Variants in FMN1 observed in about 807,000 individuals in gnomAD.
The protein encoded by FMN1 is formin-1.
FMN1 carries 110 observed loss-of-function variants against 132.4 expected under a neutral mutation model. The ratio of observed to expected loss-of-function variants is 0.83; its 90% CI spans 0.71 to 0.97. The LOEUF (loss-of-function observed/expected upper bound fraction) is 0.97. Among genes scored for constraint, FMN1 ranks in the 50% least tolerant of loss-of-function variants. The pLI is 0.00. For synonymous variants in FMN1, 722 were observed against 651.7 expected (o/e 1.11, Z -1.64); for missense variants, 1,792 against 1,705.3 (o/e 1.05, Z -0.90).
intron 6 of FMN1, among the ~76,000 whole-genome samples, chr15:33,050,563 A>T (rs2036922143): frequency 6.6e-6 from 1 of 152,210 alleles, no homozygotes; most frequent in Non-Finnish European, 1.5e-5. Flanking sequence ...TTTAAAAAAC[A>T]GTGTGTGATT....
chr15:32,777,594 C>CTTTATATATTACGTATAACATATAACACA (rs2056477011), intron 19 of FMN1, among the ~76,000 whole-genome samples: 1 of 90,578 alleles, frequency 1.1e-5, no homozygotes, highest in Non-Finnish European at 2.6e-5. Flanking sequence ...ACATATAACA[C>CTTTATATATTACGTATAACATATAACACA]TTTATATATT....
intron 17 of FMN1, chr15:32,810,876 A>T (rs2057851897): frequency 2.3e-6 from 1 of 439,618 alleles, no homozygotes; most frequent in Non-Finnish European, 4.6e-6. Flanking sequence ...TGGTTGGTAT[A>T]AACCAACAGG....
intron 3 of FMN1, among the ~76,000 whole-genome samples, chr15:33,169,909 A>T (rs1022834895): frequency 1.4e-4 from 21 of 152,054 alleles, no homozygotes; most frequent in African/African-American, 5.1e-4. Flanking sequence ...TGCATAACAA[A>T]TCACTTTTCC....
chr15:32,934,694 C>A (rs1166262882), intron 9 of FMN1, among the ~76,000 whole-genome samples: 1 of 150,732 alleles, frequency 6.6e-6, no homozygotes, highest in African/African-American at 2.4e-5. Flanking sequence ...GCAACCTCCA[C>A]CTCCCAGGTT....
intron 16 of FMN1, among the ~76,000 whole-genome samples, chr15:32,883,337 G>A (rs904508897): frequency 1.3e-5 from 2 of 151,632 alleles, no homozygotes; most frequent in African/African-American, 4.8e-5. Context: ...GACCCTGTCT[G>A]TACAAAAAAT....
At chr15:32,905,371 CAG>C (rs1248876666) in intron 12 of FMN1, among the ~76,000 whole-genome samples, 2 of 152,234 alleles carry the variant, frequency 1.3e-5, no homozygotes, top group African/African-American at 4.8e-5. Context: ...ATTACACTAA[CAG>C]AGTCTACTGT....
intron 4 of FMN1, among the ~76,000 whole-genome samples, chr15:33,103,371 T>G (rs1465890602): frequency 5.3e-5 from 8 of 152,068 alleles, no homozygotes; most frequent in Non-Finnish European, 1.0e-4. Flanking sequence ...CCTTCTGGAG[T>G]TACTATAAAG....
intron 4 of FMN1, among the ~76,000 whole-genome samples, chr15:33,108,586 T>G (rs1321468348): frequency 6.6e-6 from 1 of 152,060 alleles, no homozygotes; most frequent in Non-Finnish European, 1.5e-5. Flanking sequence ...AGTTAAAGGA[T>G]TTTTTAAAAG....
At chr15:33,112,712 G>A (rs1043869572) in intron 4 of FMN1, among the ~76,000 whole-genome samples, 79 of 152,276 alleles carry the variant, frequency 5.2e-4, no homozygotes, top group Middle Eastern at 3.4e-3. Context: ...CGTGATAACA[G>A]TCACGGCTGC....
chr15:33,057,044 G>A (rs2037248773), intron 6 of FMN1, among the ~76,000 whole-genome samples: 1 of 152,086 alleles, frequency 6.6e-6, no homozygotes, highest in Non-Finnish European at 1.5e-5. Context: ...CAGGCACGGT[G>A]GCACACACTT....
intron 15 of FMN1, 105 bp from the exon 16 acceptor site, chr15:32,888,397 C>T (rs987615115): frequency 7.7e-5 from 81 of 1,046,646 alleles, no homozygotes; most frequent in Non-Finnish European, 1.1e-4. Context: ...TATTGGATGT[C>T]TGAGTAAGAA....
chr15:33,058,087 G>T (rs1234754468), intron 6 of FMN1, among the ~76,000 whole-genome samples: 1 of 151,802 alleles, frequency 6.6e-6, no homozygotes, highest in Non-Finnish European at 1.5e-5. Flanking sequence ...AGGTGTGATG[G>T]GGGTGCTGGT....
chr15:33,061,737 T>C (rs1018724863), intron 6 of FMN1, among the ~76,000 whole-genome samples: 6 of 151,986 alleles, frequency 3.9e-5, no homozygotes, highest in Admixed American at 2.6e-4. Flanking sequence ...TCAAAGACAA[T>C]AGAAGGCCCC....
At chr15:33,050,268 G>A (rs907700400) in intron 6 of FMN1, among the ~76,000 whole-genome samples, 5 of 152,102 alleles carry the variant, frequency 3.3e-5, no homozygotes, top group Admixed American at 6.5e-5. Context: ...TTAAACTTTA[G>A]GTTGGAAAAT....
chr15:32,795,535 A>G (rs186936476), intron 19 of FMN1, among the ~76,000 whole-genome samples: 2 of 150,002 alleles, frequency 1.3e-5, no homozygotes, highest in East Asian at 2.0e-4. Context: ...AGATGTGACA[A>G]TCGGGTTCCC....
At chr15:32,833,670 C>CT (rs1409832478) in intron 17 of FMN1, among the ~76,000 whole-genome samples, 2 of 152,168 alleles carry the variant, frequency 1.3e-5, no homozygotes, top group Non-Finnish European at 2.9e-5. Context: ...ATCCAAGCAT[C>CT]TTTTTTCTGA....
At chr15:33,054,104 G>C (rs2037107509) in intron 6 of FMN1, among the ~76,000 whole-genome samples, 1 of 152,060 alleles carries the variant, frequency 6.6e-6, no homozygotes, top group African/African-American at 2.4e-5. Flanking sequence ...AAACTTTCTA[G>C]GGGCCTTACC....
At chr15:32,888,029 G>A in intron 16 of FMN1, 143 bp downstream of exon 16, 1 of 592,818 alleles carries the variant, frequency 1.7e-6, no homozygotes, top group Non-Finnish European at 2.7e-6. Context: ...GTGTAGAGAA[G>A]GAAAGTTTCC....
intron 10 of FMN1, among the ~76,000 whole-genome samples, chr15:32,916,794 T>A (rs1211736308): frequency 6.6e-6 from 1 of 152,202 alleles, no homozygotes; most frequent in African/African-American, 2.4e-5. Context: ...CAATGTTAAC[T>A]CTGCAACAGC....
Sources: gnomAD v4.1 joint callset for allele counts (sites outside exome capture counted in the v4.1 genomes callset) on GRCh38, gnomAD v4.1.1 for gene constraint, MANE v1.5 for transcripts, NCBI Gene and HGNC (gene_info 2026-07-23, HGNC 2026-07-21) for gene names.